The following ICE1 variants were observed in gnomAD, a reference collection of about 807,000 sequenced individuals.
ICE1 encodes the protein little elongation complex subunit 1.
A neutral mutation model predicts 192.7 loss-of-function variants in ICE1; 64 were observed. The ratio of observed to expected loss-of-function variants is 0.33; its 90% CI spans 0.27 to 0.41. The LOEUF (loss-of-function observed/expected upper bound fraction) is 0.41. Ranked by LOEUF, ICE1 falls within the 10% of genes least tolerant of loss-of-function variation. The pLI is 1.00. For missense variants in ICE1, 2,708 were observed against 2,696.0 expected (o/e 1.00, Z -0.10); for synonymous variants, 1,010 against 984.5 (o/e 1.03, Z -0.49).
Position 5,464,732 on chromosome 5 carries a change from A to G in ICE1, c.5398A>G (p.Thr1800Ala). Reference protein sequence around the residue: ...ASAMIGFKTITSAATAFVKTG... With the variant: ...ASAMIGFKTIASAATAFVKTG... ...TGCTATGATAGGATTCAAAACGATC[A>G]CTTCAGCAGCAACTGCTTTTGTCAA... Residue 1800 changes from threonine (T) to alanine (A), a missense_variant, in exon 13 of 19, where the codon ACT becomes GCT. Thr to Ala is a moderately conservative substitution (Grantham distance 58). Coordinates refer to ENST00000296564, the MANE Select transcript of ICE1 (RefSeq NM_015325.3). The surrounding 1 kb of genome is among the most constrained non-coding windows in gnomAD (Gnocchi z 4.0). 6.2e-7 allele frequency: 1 copy of G among 1,613,920 alleles called. No homozygotes were observed. Among genetic ancestry groups the G allele is most frequent in the Non-Finnish European group, 8.5e-7 (1 of 1,179,864 alleles).
At chr5:5,423,035 G>GC in intron 1 of ICE1, 36 bp downstream of exon 1, 1 of 1,305,196 alleles carries the variant, frequency 7.7e-7, no homozygotes, top group Non-Finnish European at 9.8e-7. Context: ...CGCGGGGGGG[G>GC]ACTCGGCTCG....
intron 2 of ICE1, 107 bp from the exon 3 acceptor site, chr5:5,436,973 G>A: frequency 1.4e-6 from 1 of 708,430 alleles, no homozygotes; most frequent in South Asian, 1.6e-5. Context: ...TTTGTTTCAG[G>A]AAATCTAGGA....
At chr5:5,468,764 T>C in intron 14 of ICE1, 64 bp from the exon 15 acceptor site, 6 of 1,032,052 alleles carry the variant, frequency 5.8e-6, no homozygotes, top group Non-Finnish European at 8.0e-6. Context: ...AATTTGTTCT[T>C]AATTTGCAAT....
chr5:5,428,323 G>A (rs1017749266), intron 1 of ICE1, among the ~76,000 whole-genome samples: 4 of 152,138 alleles, frequency 2.6e-5, no homozygotes, highest in Admixed American at 6.5e-5. Context: ...AGATATCAGT[G>A]TAGGCTTTGA....
intron 7 of ICE1, 70 bp from the exon 8 acceptor site, chr5:5,447,357 T>A: frequency 1.1e-6 from 1 of 909,482 alleles, no homozygotes; most frequent in South Asian, 1.8e-5. Flanking sequence ...AGATTTTGAG[T>A]ATTTCATTAA....
intron 1 of ICE1, among the ~76,000 whole-genome samples, chr5:5,429,220 T>A (rs1198300418): frequency 2.0e-5 from 3 of 152,168 alleles, no homozygotes; most frequent in Non-Finnish European, 4.4e-5. Context: ...GCTGGTCTTG[T>A]AGGCACCCTC....
intron 1 of ICE1, 67 bp downstream of exon 1, chr5:5,423,066 T>C: frequency 8.9e-7 from 1 of 1,123,536 alleles, no homozygotes; most frequent in African/African-American, 1.6e-5. Flanking sequence ...AGCGCAGGGA[T>C]GTGGGGTCCG....
intron 11 of ICE1, 127 bp from the exon 12 acceptor site, chr5:5,457,205 A>G (rs1738611403): frequency 5.4e-6 from 5 of 925,230 alleles, no homozygotes; most frequent in African/African-American, 1.7e-5. Flanking sequence ...TGCCTTTTAA[A>G]AAATTACTTG....
Position 5,443,196 on chromosome 5 carries a change from A to T in ICE1, c.338A>T (p.His113Leu). Residue 113 changes from histidine (H) to leucine (L), a missense_variant, in exon 6 of 19, where the codon CAT becomes CTT. Physicochemically the swap from His to Leu is moderately conservative, Grantham distance 99. Around this residue, in one of 2 missense-constraint regions of ICE1, gnomAD observed 2,366 missense variants for 2,276.6 expected, o/e 1.04. Coordinates refer to ENST00000296564, the MANE Select transcript of ICE1 (RefSeq NM_015325.3). ...TCTTTAAAGTTGTATCAGGATACTCATCAGGAATATGCTCGTGTAAAGGAA... is the reference window on the plus strand; with the variant it reads ...TCTTTAAAGTTGTATCAGGATACTCTTCAGGAATATGCTCGTGTAAAGGAA... ...KSSLKLYQDTHQEYARVKEEC... is the reference protein window; with the variant it reads ...KSSLKLYQDTLQEYARVKEEC... 1 of 1,513,800 alleles carries T rather than the reference A, an allele frequency of 6.6e-7. No homozygotes were observed. The highest frequency in any genetic ancestry group is 8.9e-7 in the Non-Finnish European group (1 of 1,126,762). The allele number at this position is 1,513,800 out of a possible 1,614,324, so 93.8% of individuals were successfully genotyped here.
At position 5,464,119 on chromosome 5, in the gene ICE1, A is replaced by G; in HGVS notation, c.4785A>G (p.Lys1595=). 1 of 1,613,496 alleles carries G rather than the reference A, an allele frequency of 6.2e-7. No individual in the cohort carries two copies. Among genetic ancestry groups the G allele is most frequent in the Middle Eastern group, 1.6e-4 (1 of 6,062 alleles). Reference sequence around the variant, plus strand: ...TTTCAGGGGAAAAAGCTAATACAAAAACTCAAAGAAGCCAAACTCAGACCA... The same window carrying G: ...TTTCAGGGGAAAAAGCTAATACAAAGACTCAAAGAAGCCAAACTCAGACCA... The part of the protein sequence containing the change: ...QSFSGEKANT[K]TQRSQTQTIL... Residue 1595 remains lysine (K), a synonymous_variant, in exon 13 of 19, where the codon AAA becomes AAG. Transcript: ENST00000296564. This position sits in a 1 kb window ranked among gnomAD's most constrained non-coding sequence, Gnocchi z 4.0.
At position 5,454,044 on chromosome 5, in the gene ICE1, T is replaced by C. The variant is rs548574338; in HGVS notation, c.605-508T>C. Among the ~76,000 whole-genome samples the C allele has an allele frequency of 4.6e-5, 7 of 152,220 alleles. No homozygotes were observed. The East Asian group carries it at 1.2e-3, about 25-fold the overall frequency. ...AAGTCCATTGATGGATTACCTGTAA[T>C]CCCTGAACTCCCCAGGTTAATTACA... On this transcript the variant is annotated intron_variant, in intron 10 of 18. Coordinates refer to ENST00000296564, the MANE Select transcript of ICE1 (RefSeq NM_015325.3).
At position 5,463,835 on chromosome 5, in the gene ICE1, C is replaced by G; in HGVS notation, c.4501C>G (p.Gln1501Glu). 6.2e-7 allele frequency: 1 copy of G among 1,613,944 alleles called. No individual in the cohort carries two copies. Among genetic ancestry groups the G allele is most frequent in the East Asian group, 2.2e-5 (1 of 44,868 alleles). ...CCAAGAGGATGTTTCAAGCAGTGGTCAGAGCACCAACTTTGATAAGAGTCG... is the reference window on the plus strand; with the variant it reads ...CCAAGAGGATGTTTCAAGCAGTGGTGAGAGCACCAACTTTGATAAGAGTCG... ...CPQEDVSSSGQSTNFDKSRLR... is the reference protein window; with the variant it reads ...CPQEDVSSSGESTNFDKSRLR... The change falls in exon 13 of 19, where the codon CAG becomes GAG. Residue 1501 changes from glutamine (Q) to glutamate (E), a missense_variant. By Grantham distance (29) the Gln-to-Glu change is conservative. Coordinates refer to ENST00000296564, the MANE Select transcript of ICE1 (RefSeq NM_015325.3).
chr5:5,423,529 G>A (rs1165535685), intron 1 of ICE1, among the ~76,000 whole-genome samples: 3 of 152,128 alleles, frequency 2.0e-5, no homozygotes, highest in African/African-American at 4.8e-5. Flanking sequence ...TAAAAAGCAA[G>A]CCAAGTAATT....
chr5:5,462,490 A>G lies in ICE1; in HGVS notation c.3156A>G (p.Lys1052=). The change falls in exon 13 of 19, where the codon AAA becomes AAG. Residue 1052 remains lysine (K), a synonymous_variant. Coordinates refer to ENST00000296564, the MANE Select transcript of ICE1 (RefSeq NM_015325.3). ...PQNANGLWKL[K]STTPGGALPE... ...ATGCTAATGGACTTTGGAAATTGAAATCTACAACTCCCGGTGGTGCTTTGC... is the reference window on the plus strand; with the variant it reads ...ATGCTAATGGACTTTGGAAATTGAAGTCTACAACTCCCGGTGGTGCTTTGC... The G allele has an allele frequency of 6.2e-7, 1 of 1,614,020 alleles. No homozygotes were observed. Among genetic ancestry groups the G allele is most frequent in the South Asian group, 1.1e-5 (1 of 91,072 alleles).
chr5:5,461,839 T>C lies in ICE1; in HGVS notation c.2505T>C (p.Pro835=), dbSNP rs2049198612. Reference sequence around the variant, plus strand: ...AAAATAGAGGACCAACACCCAAGCCTGATCTTCTTAGAGAAAATAACAATC... The same window carrying C: ...AAAATAGAGGACCAACACCCAAGCCCGATCTTCTTAGAGAAAATAACAATC... ...FLQNRGPTPK[P]DLLRENNNPV... is the part of the protein sequence containing the mutation. Residue 835 remains proline (P), a synonymous_variant, in exon 13 of 19, where the codon CCT becomes CCC. Transcript: ENST00000296564. 6.2e-7 allele frequency: 1 copy of C among 1,614,020 alleles called. No individual in the cohort carries two copies. Among genetic ancestry groups the C allele is most frequent in the Non-Finnish European group, 8.5e-7 (1 of 1,179,894 alleles).
chr5:5,446,493 G>T (rs1475851812), intron 7 of ICE1, among the ~76,000 whole-genome samples: 2 of 151,910 alleles, frequency 1.3e-5, no homozygotes, highest in Admixed American at 6.6e-5. Context: ...GTTCCACTAT[G>T]TTGCCCAGGC....
intron 10 of ICE1, among the ~76,000 whole-genome samples, chr5:5,450,084 T>G (rs1009936021): frequency 3.9e-5 from 6 of 152,030 alleles, no homozygotes; most frequent in African/African-American, 7.3e-5. Flanking sequence ...CATCTAAAAC[T>G]TAGAGAAAAA....
chr5:5,476,431 C>G (rs1487424233), intron 17 of ICE1, among the ~76,000 whole-genome samples: 6 of 152,092 alleles, frequency 3.9e-5, no homozygotes, highest in Admixed American at 3.3e-4. Flanking sequence ...GCCATTCTTG[C>G]ATTGCTATAT....
chr5:5,435,813 G>T (rs1482006857), intron 1 of ICE1, among the ~76,000 whole-genome samples: 1 of 151,846 alleles, frequency 6.6e-6, no homozygotes, highest in Non-Finnish European at 1.5e-5. Flanking sequence ...AGGATTACAG[G>T]TGCCCACCAA....
Sources: gnomAD v4.1 joint callset for allele counts (sites outside exome capture counted in the v4.1 genomes callset) on GRCh38, gnomAD v4.1.1 for gene constraint, gnomAD v4.1.1 regional missense constraint, Gnocchi (gnomAD v3.1) non-coding constraint, MANE v1.5 for transcripts, NCBI Gene and HGNC (gene_info 2026-07-23, HGNC 2026-07-21) for gene names.